LIN52: variants seen among roughly 807,000 people sequenced by gnomAD.
The protein encoded by LIN52 is lin-52 DREAM MuvB core complex component.
LIN52 carries 4 observed loss-of-function variants against 18.5 expected under a neutral mutation model. That is an observed-to-expected ratio of 0.22 (90% CI 0.11 to 0.49). The LOEUF (loss-of-function observed/expected upper bound fraction) is 0.49. LIN52 is among the 20% of genes least tolerant of loss of function. LIN52 has a pLI of 0.97. For synonymous variants in LIN52, 34 were observed against 45.5 expected, an observed-to-expected ratio of 0.75 and a Z score of 1.02; for missense variants, 102 against 139.5, an observed-to-expected ratio of 0.73 and a Z score of 1.35.
intron 2 of LIN52, 87 bp downstream of exon 2, chr14:74,091,393 G>T: frequency 1.0e-6 from 1 of 980,658 alleles, no homozygotes. Context: ...TATTTATTTT[G>T]TAAATTTTTA....
intron 5 of LIN52, among the ~76,000 whole-genome samples, chr14:74,187,450 A>G (rs17098050): frequency 0.14 from 20,976 of 152,196 alleles, 2,036 homozygotes; most frequent in East Asian, 0.58. Flanking sequence ...ACACATTCAA[A>G]ATATATATGC....
At chr14:74,093,290 A>G (rs902158969) in intron 2 of LIN52, among the ~76,000 whole-genome samples, 9 of 150,722 alleles carry the variant, frequency 6.0e-5, no homozygotes, top group Non-Finnish European at 8.9e-5. Context: ...ACTGAGATAT[A>G]TAAAGCGTTT....
chr14:74,178,972 G>A (rs138476509), intron 5 of LIN52, among the ~76,000 whole-genome samples: 2 of 151,730 alleles, frequency 1.3e-5, no homozygotes, highest in African/African-American at 4.8e-5. Flanking sequence ...CTGTAGGCCC[G>A]GCTACTCAGG....
At chr14:74,121,636 A>C (rs991001078) in intron 5 of LIN52, among the ~76,000 whole-genome samples, 9 of 152,356 alleles carry the variant, frequency 5.9e-5, no homozygotes, top group Middle Eastern at 3.4e-3. Flanking sequence ...ACATTAAAAA[A>C]TATATCACTC....
chr14:74,149,867 C>T (rs548987874), intron 5 of LIN52, among the ~76,000 whole-genome samples: 4 of 152,098 alleles, frequency 2.6e-5, no homozygotes, highest in South Asian at 2.1e-4. Context: ...TCTACCAACT[C>T]GTGGATTCCA....
intron 5 of LIN52, among the ~76,000 whole-genome samples, chr14:74,157,213 A>T: frequency 6.6e-6 from 1 of 151,192 alleles, no homozygotes. Context: ...TTGTATTTTT[A>T]GTAGAGACAG....
chr14:74,095,057 G>T (rs1405039391), intron 2 of LIN52, among the ~76,000 whole-genome samples: 2 of 151,408 alleles, frequency 1.3e-5, no homozygotes, highest in Non-Finnish European at 2.9e-5. Flanking sequence ...ATAGCTTACT[G>T]CAGCCTCCAA....
chr14:74,092,355 G>C (rs2060778676), intron 2 of LIN52, among the ~76,000 whole-genome samples: 2 of 150,222 alleles, frequency 1.3e-5, no homozygotes, highest in South Asian at 4.2e-4. Flanking sequence ...GCCCAGGCTG[G>C]AGTGCAATTG....
chr14:74,173,531 G>A (rs954777893), intron 5 of LIN52, among the ~76,000 whole-genome samples: 3 of 152,136 alleles, frequency 2.0e-5, no homozygotes, highest in Non-Finnish European at 4.4e-5. Context: ...TCACTTTGTG[G>A]ATTTTGATAT....
chr14:74,088,636 A>T (rs1204655497), intron 1 of LIN52, among the ~76,000 whole-genome samples: 1 of 152,248 alleles, frequency 6.6e-6, no homozygotes, highest in Non-Finnish European at 1.5e-5. Flanking sequence ...TTTACAATTA[A>T]AATGCCATTG....
At chr14:74,132,117 T>C (rs2061071914) in intron 5 of LIN52, among the ~76,000 whole-genome samples, 1 of 152,236 alleles carries the variant, frequency 6.6e-6, no homozygotes, top group Admixed American at 6.5e-5. Flanking sequence ...CTCACTACTA[T>C]TCTTTATTAT....
At chr14:74,104,519 C>T (rs979937878) in intron 5 of LIN52, among the ~76,000 whole-genome samples, 2 of 148,402 alleles carry the variant, frequency 1.3e-5, no homozygotes, top group African/African-American at 4.9e-5. Flanking sequence ...TGTGGTAGAG[C>T]TTAACATGTT....
chr14:74,181,898 TAAGCAAATG>T (rs1223922507), intron 5 of LIN52, among the ~76,000 whole-genome samples: 4 of 152,230 alleles, frequency 2.6e-5, no homozygotes, highest in African/African-American at 4.8e-5. Flanking sequence ...AACAAATTCA[TAAGCAAATG>T]AAGACAGAAA....
At chr14:74,130,295 T>TTTTTTTTTTTTTTTTTTTTTTTTTTC (rs1315000657) in intron 5 of LIN52, among the ~76,000 whole-genome samples, 13 of 140,270 alleles carry the variant, frequency 9.3e-5, no homozygotes, top group Non-Finnish European at 1.7e-4. Context: ...TTTTTTTTTT[T>TTTTTTTTTTTTTTTTTTTTTTTTTTC]TGAGACAGTC....
intron 1 of LIN52, among the ~76,000 whole-genome samples, chr14:74,087,632 C>T (rs2060742981): frequency 1.3e-5 from 2 of 152,066 alleles, no homozygotes; most frequent in African/African-American, 4.8e-5. Context: ...AAATATTCCA[C>T]GGCCTAGCTC....
intron 5 of LIN52, among the ~76,000 whole-genome samples, chr14:74,168,015 T>G (rs1291289889): frequency 6.6e-6 from 1 of 152,220 alleles, no homozygotes; most frequent in African/African-American, 2.4e-5. Flanking sequence ...TTGGAAGAAC[T>G]TTCCAAATGT....
intron 5 of LIN52, among the ~76,000 whole-genome samples, chr14:74,171,849 C>T (rs1350428250): frequency 1.3e-5 from 2 of 150,474 alleles, no homozygotes; most frequent in Non-Finnish European, 1.5e-5. Context: ...AGCAGTTCTC[C>T]TGCCACAGCC....
intron 2 of LIN52, among the ~76,000 whole-genome samples, chr14:74,094,829 G>A (rs1595146281): frequency 6.6e-6 from 1 of 151,838 alleles, no homozygotes; most frequent in Non-Finnish European, 1.5e-5. Flanking sequence ...CCGGGTTCAA[G>A]CAATTCTCCT....
Position 74,198,985 on chromosome 14 carries a change from T to C in LIN52, c.*8T>C. On this transcript the variant is annotated 3_prime_UTR_variant, in exon 6 of 6. Transcript: ENST00000555028. ...GAGAAGCCCAAGAAGTAGCAGCTGC[T>C]TGCGGACAGGATGTCCTGGGGTCCG... The C allele has an allele frequency of 6.3e-7, 1 of 1,599,798 alleles. No homozygotes were observed. Among genetic ancestry groups the C allele is most frequent in the Non-Finnish European group, 8.6e-7 (1 of 1,167,446 alleles).
Sources: allele counts gnomAD v4.1 joint callset (sites outside exome capture counted in the v4.1 genomes callset), GRCh38; gene constraint gnomAD v4.1.1; transcripts MANE v1.5; gene names NCBI Gene and HGNC (gene_info 2026-07-23, HGNC 2026-07-21).